Variants in RSU1 observed in about 807,000 individuals in gnomAD.
RSU1 encodes rsu-1.
A neutral mutation model predicts 31.1 loss-of-function variants in RSU1; 26 were observed. That is an observed-to-expected ratio of 0.84 (90% CI 0.61 to 1.16). The LOEUF is 1.16. RSU1 is among the 50% of genes most tolerant of loss of function. The probability of loss-of-function intolerance (pLI) is 0.00; values close to 1 mark genes in which losing one functional copy is unlikely to be tolerated. For synonymous variants in RSU1, 164 were observed against 136.3 expected (o/e 1.20, Z -1.41); for missense variants, 320 against 339.1 (o/e 0.94, Z 0.44).
At chr10:16,771,554 A>G (rs1837424614) in intron 3 of RSU1, among the ~76,000 whole-genome samples, 1 of 152,210 alleles carries the variant, frequency 6.6e-6, no homozygotes, top group Non-Finnish European at 1.5e-5. Context: ...ATAAAGAAGA[A>G]TCTTCTCACT....
intron 4 of RSU1, among the ~76,000 whole-genome samples, chr10:16,757,584 G>A (rs1351718800): frequency 6.6e-6 from 1 of 152,172 alleles, no homozygotes; most frequent in Non-Finnish European, 1.5e-5. Flanking sequence ...AAACTACCTT[G>A]CAATACAGGT....
intron 8 of RSU1, among the ~76,000 whole-genome samples, chr10:16,602,906 C>T (rs1470956069): frequency 6.6e-6 from 1 of 152,178 alleles, no homozygotes; most frequent in African/African-American, 2.4e-5. Context: ...CTTGTAATAG[C>T]TTTATTTCTC....
chr10:16,638,360 C>T (rs561037871), intron 8 of RSU1, among the ~76,000 whole-genome samples: 46 of 152,130 alleles, frequency 3.0e-4, no homozygotes, highest in Non-Finnish European at 4.7e-4. Context: ...AGATCATCCC[C>T]GCCAAAAGAT....
chr10:16,809,047 C>G (rs1838344411), intron 2 of RSU1, among the ~76,000 whole-genome samples: 1 of 152,172 alleles, frequency 6.6e-6, no homozygotes, highest in Admixed American at 6.5e-5. Flanking sequence ...GTCAAAATCA[C>G]CCAGCCTGCG....
At chr10:16,679,730 G>A (rs1251820113) in intron 8 of RSU1, among the ~76,000 whole-genome samples, 1 of 152,020 alleles carries the variant, frequency 6.6e-6, no homozygotes, top group African/African-American at 2.4e-5. Context: ...CTGTCTGAAG[G>A]CTCTCTATTG....
chr10:16,812,323 C>A (rs7909828), intron 2 of RSU1, among the ~76,000 whole-genome samples: 2 of 151,938 alleles, frequency 1.3e-5, no homozygotes, highest in Admixed American at 6.6e-5. Context: ...ACGCCTGTAA[C>A]CCCAGTTACT....
chr10:16,802,928 A>C (rs1300765272), intron 2 of RSU1, among the ~76,000 whole-genome samples: 1 of 152,204 alleles, frequency 6.6e-6, no homozygotes, highest in African/African-American at 2.4e-5. Context: ...CAAGATACTT[A>C]ATGTTAAGGA....
At chr10:16,665,507 T>C (rs1469199714) in intron 8 of RSU1, among the ~76,000 whole-genome samples, 1 of 152,200 alleles carries the variant, frequency 6.6e-6, no homozygotes, top group African/African-American at 2.4e-5. Context: ...AACATAGTTA[T>C]CTCAAAATCT....
At chr10:16,740,888 T>C (rs561566944) in intron 7 of RSU1, among the ~76,000 whole-genome samples, 10 of 152,324 alleles carry the variant, frequency 6.6e-5, no homozygotes, top group African/African-American at 2.2e-4. Flanking sequence ...TGATAATCCC[T>C]GAAATAATCT....
At chr10:16,671,590 A>C (rs147177991) in intron 8 of RSU1, among the ~76,000 whole-genome samples, 115 of 152,070 alleles carry the variant, frequency 7.6e-4, no homozygotes, top group African/African-American at 2.5e-3. Context: ...CTGGGACTAC[A>C]TGCGCATACC....
In RSU1 at chr10:16,695,173, A is replaced by T. The variant is rs1835651647; in HGVS notation, c.599-18T>A. 1.3e-6 allele frequency: 2 copies of T among 1,585,618 alleles called. No homozygotes were observed. Among genetic ancestry groups the T allele is most frequent in the South Asian group, 2.2e-5 (2 of 90,194 alleles). ...CAAGTTTCCTGGGGGGGGGGAAAAA[A>T]AAAGTGAAGGTCACTTCATCCAATA... On this transcript the variant is annotated intron_variant, in intron 7 of 8. Coordinates refer to ENST00000345264, the MANE Select transcript of RSU1 (RefSeq NM_012425.4).
At chr10:16,717,733 T>A (rs769639266) in intron 7 of RSU1, among the ~76,000 whole-genome samples, 1 of 152,092 alleles carries the variant, frequency 6.6e-6, no homozygotes, top group South Asian at 2.1e-4. Flanking sequence ...AATTTAACAG[T>A]AGGACTCAAG....
intron 8 of RSU1, among the ~76,000 whole-genome samples, chr10:16,638,275 C>T (rs147199182): frequency 6.6e-6 from 1 of 152,256 alleles, no homozygotes; most frequent in East Asian, 1.9e-4. Flanking sequence ...CCAAGGTTTC[C>T]AAGCTCATTT....
Position 16,693,477 on chromosome 10 carries a change from CA to C in RSU1, c.731+1545del, listed in dbSNP as rs773915130. On this transcript the variant is annotated intron_variant, in intron 8 of 8. Transcript: ENST00000345264. ...TGAGTGTGGGACATATTTCTGATAC[CA>C]AAAAAAAAAAAAAGAAAAGAAACTC... is the stretch of plus-strand genomic sequence containing the variant. Among the ~76,000 whole-genome samples, 605 of 131,064 alleles carry C rather than the reference CA, an allele frequency of 4.6e-3. 1 individual carries two copies. The highest frequency in any genetic ancestry group is 4.3e-3 in the Admixed American group (56 of 13,054). The allele number at this position is 131,064 out of a possible 152,430, so 86.0% of individuals were successfully genotyped here. A position where few individuals can be genotyped will look rare whatever the true frequency, so the allele number is the denominator to read the frequency against.
chr10:16,620,176 T>C lies in RSU1; in HGVS notation c.732-26680A>G, dbSNP rs532521410. Among the ~76,000 whole-genome samples, 7 of 152,288 alleles carry C rather than the reference T, an allele frequency of 4.6e-5. No homozygotes were observed. The East Asian group carries it at 1.4e-3, about 29-fold the overall frequency. On this transcript the variant is annotated intron_variant, in intron 8 of 8. Transcript: ENST00000345264. ...TTTAACCTATCTGAGGTTCAGTTTT[T>C]CTCATAAAAAAGTAGGGATCAATAA...
chr10:16,608,677 G>C (rs1448199581), intron 8 of RSU1, among the ~76,000 whole-genome samples: 1 of 152,012 alleles, frequency 6.6e-6, no homozygotes, highest in African/African-American at 2.4e-5. Flanking sequence ...CGGCATCTCC[G>C]AGAGCTCAAC....
intron 8 of RSU1, among the ~76,000 whole-genome samples, chr10:16,666,784 T>G (rs1028380847): frequency 6.6e-6 from 1 of 151,956 alleles, no homozygotes; most frequent in East Asian, 1.9e-4. Flanking sequence ...GGTCAGGAGT[T>G]CAAGACCAGC....
intron 8 of RSU1, among the ~76,000 whole-genome samples, chr10:16,670,935 T>C (rs1218318231): frequency 6.6e-6 from 1 of 151,984 alleles, no homozygotes; most frequent in Non-Finnish European, 1.5e-5. Flanking sequence ...CGGCTAATTT[T>C]TTGTATTTTT....
intron 3 of RSU1, among the ~76,000 whole-genome samples, chr10:16,767,965 A>G (rs533620957): frequency 2.0e-5 from 3 of 152,374 alleles, no homozygotes; most frequent in African/African-American, 7.2e-5. Context: ...TATTCCAAAA[A>G]GGCCACTGCA....
Sources: allele counts gnomAD v4.1 joint callset (sites outside exome capture counted in the v4.1 genomes callset), GRCh38; gene constraint gnomAD v4.1.1; transcripts MANE v1.5; gene names NCBI Gene and HGNC (gene_info 2026-07-23, HGNC 2026-07-21).